LHFPL3: variants seen among roughly 807,000 people sequenced by gnomAD.
The protein encoded by LHFPL3 is LHFPL tetraspan subfamily member 3.
A neutral mutation model predicts 19.3 loss-of-function variants in LHFPL3; 5 were observed. That is an observed-to-expected ratio of 0.26 (90% CI 0.14 to 0.54). The LOEUF is 0.54. Among genes scored for constraint, LHFPL3 ranks in the 20% least tolerant of loss-of-function variants. The pLI, the probability that LHFPL3 is intolerant of heterozygous loss-of-function variation, is 0.94. For missense variants in LHFPL3, 249 were observed against 307.4 expected (o/e 0.81, Z 1.42); for synonymous variants, 133 against 126.2 (o/e 1.05, Z -0.36).
At chr7:104,445,420 G>A (rs1792312816) in intron 1 of LHFPL3, among the ~76,000 whole-genome samples, 1 of 152,048 alleles carries the variant, frequency 6.6e-6, no homozygotes, top group African/African-American at 2.4e-5. Flanking sequence ...TGTTACATGG[G>A]GATATTAAGA....
At chr7:104,690,915 A>G (rs922399301) in intron 1 of LHFPL3, among the ~76,000 whole-genome samples, 1 of 152,190 alleles carries the variant, frequency 6.6e-6, no homozygotes, top group East Asian at 1.9e-4. Flanking sequence ...AGCAGATCCA[A>G]TGGTGCTTGA....
At chr7:104,440,526 C>T (rs1792204155) in intron 1 of LHFPL3, among the ~76,000 whole-genome samples, 1 of 151,974 alleles carries the variant, frequency 6.6e-6, no homozygotes, top group South Asian at 2.1e-4. Context: ...AACAAACCTG[C>T]ACATTGTGCA....
At chr7:104,719,059 T>C (rs1446210542) in intron 1 of LHFPL3, among the ~76,000 whole-genome samples, 1 of 152,240 alleles carries the variant, frequency 6.6e-6, no homozygotes, top group Non-Finnish European at 1.5e-5. Context: ...AAATTACAGA[T>C]GTGTTTGTGA....
intron 2 of LHFPL3, among the ~76,000 whole-genome samples, chr7:104,772,581 G>A (rs565755643): frequency 6.6e-6 from 1 of 152,198 alleles, no homozygotes; most frequent in Non-Finnish European, 1.5e-5. Flanking sequence ...CCAGGAAAGG[G>A]CAGGCTGCGC....
chr7:104,531,623 C>T (rs1794297100), intron 1 of LHFPL3, among the ~76,000 whole-genome samples: 1 of 152,182 alleles, frequency 6.6e-6, no homozygotes, highest in Non-Finnish European at 1.5e-5. Context: ...GCAAGAGTTA[C>T]TCCCAGGTGT....
At chr7:104,534,976 A>G (rs528926539) in intron 1 of LHFPL3, among the ~76,000 whole-genome samples, 4 of 152,300 alleles carry the variant, frequency 2.6e-5, no homozygotes, top group Admixed American at 2.6e-4. Flanking sequence ...CATGATTGAC[A>G]CAGAACTGGG....
intron 1 of LHFPL3, among the ~76,000 whole-genome samples, chr7:104,440,156 A>G (rs1483593318): frequency 6.6e-6 from 1 of 151,680 alleles, no homozygotes; most frequent in Non-Finnish European, 1.5e-5. Context: ...GTGCACATGT[A>G]CCCTAAAACT....
At chr7:104,816,531 T>C (rs1472305211) in intron 2 of LHFPL3, among the ~76,000 whole-genome samples, 1 of 152,224 alleles carries the variant, frequency 6.6e-6, no homozygotes, top group Non-Finnish European at 1.5e-5. Flanking sequence ...ATTTTAGTCC[T>C]CTATGGTAAC....
intron 1 of LHFPL3, among the ~76,000 whole-genome samples, chr7:104,525,574 G>T (rs1267339453): frequency 6.6e-6 from 1 of 150,504 alleles, no homozygotes; most frequent in Non-Finnish European, 1.5e-5. Context: ...CCAGGTTTCT[G>T]TCTTTATCTT....
intron 2 of LHFPL3, among the ~76,000 whole-genome samples, chr7:104,790,329 G>A (rs1790001560): frequency 6.6e-6 from 1 of 152,130 alleles, no homozygotes; most frequent in South Asian, 2.1e-4. Flanking sequence ...TCACTCCCCA[G>A]GGAGGATTCA....
chr7:104,660,374 C>T (rs781371849), intron 1 of LHFPL3, among the ~76,000 whole-genome samples: 1 of 152,210 alleles, frequency 6.6e-6, no homozygotes, highest in Non-Finnish European at 1.5e-5. Context: ...AGGTTTTGCC[C>T]ATCTCCAATT....
intron 1 of LHFPL3, among the ~76,000 whole-genome samples, chr7:104,394,016 T>G (rs1170906873): frequency 3.3e-5 from 5 of 152,304 alleles, no homozygotes; most frequent in Admixed American, 2.6e-4. Flanking sequence ...TCTAAAATTA[T>G]ATAGTAGCAA....
chr7:104,524,766 C>T (rs527361039), intron 1 of LHFPL3, among the ~76,000 whole-genome samples: 45 of 152,270 alleles, frequency 3.0e-4, no homozygotes, highest in African/African-American at 8.7e-4. Flanking sequence ...GTATTTGACC[C>T]ACAGTCCCTC....
chr7:104,691,966 A>G (rs932308167), intron 1 of LHFPL3, among the ~76,000 whole-genome samples: 1 of 152,234 alleles, frequency 6.6e-6, no homozygotes, highest in Non-Finnish European at 1.5e-5. Flanking sequence ...TGATCTCAGA[A>G]TGAGAGGAGG....
intron 1 of LHFPL3, among the ~76,000 whole-genome samples, chr7:104,392,433 A>G (rs1791093084): frequency 1.3e-5 from 2 of 151,830 alleles, no homozygotes; most frequent in African/African-American, 2.4e-5. Flanking sequence ...TTCTGCATCT[A>G]TTGAGATAAT....
At chr7:104,485,849 C>T (rs190389416) in intron 1 of LHFPL3, among the ~76,000 whole-genome samples, 20 of 152,288 alleles carry the variant, frequency 1.3e-4, no homozygotes, top group Admixed American at 7.8e-4. Flanking sequence ...TGTTCAATTC[C>T]CAACTGTGAG....
At chr7:104,428,740 T>C (rs1040969657) in intron 1 of LHFPL3, among the ~76,000 whole-genome samples, 6 of 152,224 alleles carry the variant, frequency 3.9e-5, no homozygotes, top group Non-Finnish European at 7.3e-5. Context: ...CATATTTTTA[T>C]TTTCCCTTAT....
intron 1 of LHFPL3, among the ~76,000 whole-genome samples, chr7:104,558,430 T>G (rs1479240874): frequency 2.0e-5 from 3 of 151,942 alleles, no homozygotes; most frequent in Admixed American, 6.6e-5. Context: ...TGATGGCCAG[T>G]GATGATGAGC....
intron 2 of LHFPL3, among the ~76,000 whole-genome samples, chr7:104,878,120 C>T (rs946175953): frequency 6.6e-6 from 1 of 152,162 alleles, no homozygotes; most frequent in Non-Finnish European, 1.5e-5. Context: ...CAGGCATGAG[C>T]CACCGTGCCT....
Sources: gnomAD v4.1 joint callset for allele counts (sites outside exome capture counted in the v4.1 genomes callset) on GRCh38, gnomAD v4.1.1 for gene constraint, MANE v1.5 for transcripts, NCBI Gene and HGNC (gene_info 2026-07-23, HGNC 2026-07-21) for gene names.